Variants in HSD17B12 observed in about 807,000 individuals in gnomAD.
HSD17B12 encodes hydroxysteroid 17-beta dehydrogenase 12, also known as very-long-chain 3-oxoacyl-CoA reductase.
Under a neutral mutation model 39.3 loss-of-function variants are expected in HSD17B12, and 32 were observed. The observed-to-expected ratio is 0.81, with a 90% CI of 0.61 to 1.09. HSD17B12 has a LOEUF of 1.09. Among genes scored for constraint, HSD17B12 ranks in the 50% least tolerant of loss-of-function variants. The probability of loss-of-function intolerance (pLI) is 0.00; values close to 1 mark genes in which losing one functional copy is unlikely to be tolerated. For synonymous variants in HSD17B12, 150 were observed against 146.7 expected, an observed-to-expected ratio of 1.02 and a Z score of -0.16; for missense variants, 342 against 382.9, an observed-to-expected ratio of 0.89 and a Z score of 0.89.
Position 43,690,380 on chromosome 11 carries a change from A to T in HSD17B12, c.160+9393A>T, listed in dbSNP as rs867181391. On this transcript the variant is annotated intron_variant, in intron 1 of 10. Transcript: ENST00000278353. Reference sequence around the variant, plus strand: ...TTCATACATATATATATATATATATATATATATATATATATATATATATAT... The same window carrying T: ...TTCATACATATATATATATATATATTTATATATATATATATATATATATAT... Among the ~76,000 whole-genome samples the T allele has an allele frequency of 1.5e-3, 13 of 8,406 alleles. 1 individual carries two copies. Among genetic ancestry groups the T allele is most frequent in the Middle Eastern group, 0.029 (1 of 34 alleles). The allele number at this position is 8,406 out of a possible 152,430, so 5.5% of individuals were successfully genotyped here.
chr11:43,662,521 CAA>C, the HSD17B12 span, among the ~76,000 whole-genome samples: 8 of 104,016 alleles, frequency 7.7e-5, no homozygotes, highest in Admixed American at 1.0e-4. Context: ...GGCCACATCT[CAA>C]AAAAAAAAAA....
chr11:43,580,955 T>C, the HSD17B12 span, among the ~76,000 whole-genome samples: 37 of 152,152 alleles, frequency 2.4e-4, no homozygotes, highest in African/African-American at 8.4e-4. Context: ...TAGTCACGGC[T>C]GGAACCTTGG....
intron 3 of HSD17B12, among the ~76,000 whole-genome samples, chr11:43,769,757 T>C (rs1164465454): frequency 1.3e-5 from 2 of 152,234 alleles, no homozygotes; most frequent in Admixed American, 1.3e-4. Flanking sequence ...GTGTGCCTTT[T>C]ACTAGTGGTT....
chr11:43,636,546 C>A, the HSD17B12 span, among the ~76,000 whole-genome samples: 290 of 151,384 alleles, frequency 1.9e-3, 2 homozygotes, highest in African/African-American at 5.8e-3. Context: ...TTTAAAAAAA[C>A]CAAAAAACAG....
the HSD17B12 span, among the ~76,000 whole-genome samples, chr11:43,570,937 C>T: frequency 1.3e-5 from 2 of 152,180 alleles, no homozygotes; most frequent in Admixed American, 1.3e-4. Context: ...AATAGCCTCT[C>T]CAATAAGTAC....
intron 1 of HSD17B12, among the ~76,000 whole-genome samples, chr11:43,699,307 A>G (rs11826470): frequency 0.012 from 1,795 of 152,240 alleles, 40 homozygotes; most frequent in African/African-American, 0.041. Context: ...TCTTTAGCTT[A>G]AGGCTTTTTA....
chr11:43,581,621 G>A, the HSD17B12 span: 1 of 371,306 alleles, frequency 2.7e-6, no homozygotes, highest in South Asian at 1.9e-5. This position sits in a 1 kb window ranked among gnomAD's most constrained non-coding sequence, Gnocchi z 4.9. Flanking sequence ...TTTCCGCGGT[G>A]CCCGAGGCTT....
chr11:43,654,872 A>G, the HSD17B12 span, among the ~76,000 whole-genome samples: 5 of 152,276 alleles, frequency 3.3e-5, no homozygotes, highest in Non-Finnish European at 5.9e-5. Flanking sequence ...TTGACTTGGC[A>G]ATGCGGGCTC....
the HSD17B12 span, among the ~76,000 whole-genome samples, chr11:43,562,973 G>A: frequency 6.6e-6 from 1 of 152,192 alleles, no homozygotes; most frequent in Non-Finnish European, 1.5e-5. Context: ...GGGAAGACTT[G>A]AGTCTTCCCT....
chr11:43,744,086 A>G (rs571688887), intron 1 of HSD17B12, among the ~76,000 whole-genome samples: 1 of 152,220 alleles, frequency 6.6e-6, no homozygotes, highest in South Asian at 2.1e-4. Flanking sequence ...AAAGTTGAAG[A>G]AATTTATAGG....
intron 1 of HSD17B12, chr11:43,734,400 AC>A (rs763070025): frequency 4.7e-4 from 373 of 798,030 alleles, no homozygotes; most frequent in Non-Finnish European, 7.5e-4. Flanking sequence ...GCTGAGGGTG[AC>A]TCTAAGGCAG....
chr11:43,614,711 C>A, the HSD17B12 span, among the ~76,000 whole-genome samples: 1 of 152,052 alleles, frequency 6.6e-6, no homozygotes, highest in Non-Finnish European at 1.5e-5. Flanking sequence ...GCTTTATTTT[C>A]TTTGGTCTTT....
chr11:43,780,071 C>T (rs1026554114), intron 3 of HSD17B12, among the ~76,000 whole-genome samples: 1 of 152,104 alleles, frequency 6.6e-6, no homozygotes, highest in African/African-American at 2.4e-5. Flanking sequence ...TGATCTGCTC[C>T]CTCTCATCCC....
At chr11:43,575,993 G>C in the HSD17B12 span, among the ~76,000 whole-genome samples, 1 of 152,098 alleles carries the variant, frequency 6.6e-6, no homozygotes, top group Non-Finnish European at 1.5e-5. This position sits in a 1 kb window ranked among gnomAD's most constrained non-coding sequence, Gnocchi z 4.1. Context: ...AATCTCCATC[G>C]TGGATAGCAA....
chr11:43,849,784 G>T (rs1951514034), intron 9 of HSD17B12, among the ~76,000 whole-genome samples: 1 of 152,124 alleles, frequency 6.6e-6, no homozygotes, highest in Non-Finnish European at 1.5e-5. Context: ...TGAAATGTAA[G>T]CTCTGTAAGA....
At chr11:43,575,513 G>A in the HSD17B12 span, among the ~76,000 whole-genome samples, 16 of 152,350 alleles carry the variant, frequency 1.1e-4, no homozygotes, top group African/African-American at 3.8e-4. The surrounding 1 kb of genome is among the most constrained non-coding windows in gnomAD (Gnocchi z 4.1). Flanking sequence ...GTTTGGGGAG[G>A]GGGCTGTCCT....
chr11:43,659,430 G>A, the HSD17B12 span, among the ~76,000 whole-genome samples: 1 of 152,208 alleles, frequency 6.6e-6, no homozygotes, highest in African/African-American at 2.4e-5. Flanking sequence ...TCCCCAGTGA[G>A]ATGAAACCGG....
intron 4 of HSD17B12, among the ~76,000 whole-genome samples, chr11:43,798,925 C>A (rs747035379): frequency 2.8e-4 from 43 of 152,086 alleles, no homozygotes; most frequent in Non-Finnish European, 5.9e-4. Context: ...ATTTATCCCC[C>A]TGATATTTTT....
At chr11:43,785,728 A>T (rs889180982) in intron 3 of HSD17B12, among the ~76,000 whole-genome samples, 9 of 152,332 alleles carry the variant, frequency 5.9e-5, no homozygotes, top group African/African-American at 2.2e-4. Context: ...GTTAGTTGCA[A>T]TATGGAATCT....
Sources: allele counts gnomAD v4.1 joint callset (sites outside exome capture counted in the v4.1 genomes callset), GRCh38; gene constraint gnomAD v4.1.1; non-coding constraint Gnocchi (gnomAD v3.1); transcripts MANE v1.5; gene names NCBI Gene and HGNC (gene_info 2026-07-23, HGNC 2026-07-21).